Variants in REPS1 observed in about 807,000 individuals in gnomAD.
REPS1 encodes the protein RALBP1 associated Eps domain containing 1.
REPS1 carries 39 observed loss-of-function variants against 100.9 expected under a neutral mutation model. The observed-to-expected ratio is 0.39, with a 90% CI of 0.30 to 0.50. The LOEUF is 0.50. REPS1 is among the 20% of genes least tolerant of loss of function. REPS1 has a pLI of 0.86. For missense variants in REPS1, 821 were observed against 968.5 expected (o/e 0.85, Z 2.02); for synonymous variants, 324 against 340.3 (o/e 0.95, Z 0.53).
chr6:138,957,684 G>A (rs1339940034), intron 1 of REPS1, among the ~76,000 whole-genome samples: 1 of 152,132 alleles, frequency 6.6e-6, no homozygotes, highest in Non-Finnish European at 1.5e-5. Context: ...GTCTCCAGGA[G>A]GAAGCTTTCA....
At chr6:138,956,179 CTCATTA>C (rs2128488181) in intron 1 of REPS1, among the ~76,000 whole-genome samples, 1 of 152,038 alleles carries the variant, frequency 6.6e-6, no homozygotes, top group East Asian at 1.9e-4. Flanking sequence ...CTTCAGGACT[CTCATTA>C]TAATGACAGT....
chr6:138,982,372 A>G lies in REPS1; in HGVS notation c.153+5158T>C, dbSNP rs75472046. ...TCTAAAGATTTTCAGCTTCATTAAC[A>G]GGGTACATTGCTTACAAACCTCAAT... On this transcript the variant is annotated intron_variant, in intron 1 of 19. Transcript: ENST00000450536. 3.6e-3 allele frequency among the ~76,000 whole-genome samples: 548 copies of G among 152,346 alleles called. 3 individuals carry two copies. Among genetic ancestry groups the G allele is most frequent in the African/African-American group, 0.012 (512 of 41,580 alleles).
chr6:138,960,476 C>T (rs1370918679), intron 1 of REPS1, among the ~76,000 whole-genome samples: 1 of 151,036 alleles, frequency 6.6e-6, no homozygotes, highest in African/African-American at 2.4e-5. Flanking sequence ...CAGTTTTATA[C>T]AAATAACTAT....
At chr6:138,941,194 T>C in intron 8 of REPS1, 141 bp downstream of exon 8, 3 of 904,644 alleles carry the variant, frequency 3.3e-6, no homozygotes, top group Non-Finnish European at 5.1e-6. Context: ...ATACATCCTA[T>C]TCTGATGACA....
At chr6:138,913,111 T>C (rs2128431895) in intron 15 of REPS1, among the ~76,000 whole-genome samples, 161 bp from the exon 16 acceptor site, 1 of 151,982 alleles carries the variant, frequency 6.6e-6, no homozygotes, top group East Asian at 1.9e-4. Flanking sequence ...TCTAAAGAAA[T>C]GATTAAACCA....
chr6:138,911,057 T>C (rs924046890), intron 17 of REPS1: 4 of 435,650 alleles, frequency 9.2e-6, no homozygotes, highest in Admixed American at 7.6e-5. Flanking sequence ...AAGAATGCAA[T>C]AACCACTTAA....
At chr6:138,957,619 A>T (rs1024631404) in intron 1 of REPS1, among the ~76,000 whole-genome samples, 1 of 152,238 alleles carries the variant, frequency 6.6e-6, no homozygotes, top group Non-Finnish European at 1.5e-5. Context: ...GCAGGATGTC[A>T]GCTATGCAAC....
Position 138,915,800 on chromosome 6 carries a change from G to A in REPS1, c.1720+58C>T. 3.3e-6 allele frequency: 4 copies of A among 1,202,238 alleles called. 1 individual carries two copies. Among genetic ancestry groups the A allele is most frequent in the South Asian group, 2.5e-5 (2 of 79,630 alleles). The allele number at this position is 1,202,238 out of a possible 1,614,324, so 74.5% of individuals were successfully genotyped here. A position where few individuals can be genotyped will look rare whatever the true frequency, so the allele number is the denominator to read the frequency against. On this transcript the variant is annotated intron_variant, in intron 14 of 19. Coordinates refer to ENST00000450536, the MANE Select transcript of REPS1 (RefSeq NM_001286611.2). Reference sequence around the variant, plus strand: ...AGAAACAAAAATAAAATGTGTATGTGTGTTGGATTAACTTTAAAATTAAAT... The same window carrying A: ...AGAAACAAAAATAAAATGTGTATGTATGTTGGATTAACTTTAAAATTAAAT...
intron 8 of REPS1, among the ~76,000 whole-genome samples, 157 bp downstream of exon 8, chr6:138,941,178 T>A (rs1287732536): frequency 6.6e-6 from 1 of 152,212 alleles, no homozygotes; most frequent in African/African-American, 2.4e-5. Context: ...AATTCAAGCT[T>A]GGCCCATACA....
intron 1 of REPS1, among the ~76,000 whole-genome samples, chr6:138,957,331 G>A (rs1343465309): frequency 1.3e-5 from 2 of 152,194 alleles, no homozygotes; most frequent in Non-Finnish European, 2.9e-5. Flanking sequence ...GAAATATCGA[G>A]TAGACTAGAA....
chr6:138,912,802 T>C lies in REPS1; in HGVS notation c.1934A>G (p.Gln645Arg), dbSNP rs200320051. The change falls in exon 16 of 20, where the codon CAA (glutamine) becomes CGA (arginine). Residue 645 changes from glutamine to arginine, a missense_variant. This residue lies in a region of REPS1 where 757 missense variants were observed against 866.4 expected (regional missense o/e 0.87). Coordinates refer to ENST00000450536, the MANE Select transcript of REPS1 (RefSeq NM_001286611.2). ...VFAASNVNDE[Q>R]DDEAEKHPEV... ...TGGATGTTTCTCGGCTTCATCATCT[T>C]GTTCGTCGTTTACATTTGATGCAGC... The C allele has an allele frequency of 1.8e-4, 296 of 1,614,214 alleles. No individual in the cohort carries two copies. The East Asian group carries it at 4.7e-3, about 26-fold the overall frequency.
intron 13 of REPS1, 170 bp from the exon 14 acceptor site, chr6:138,916,146 C>T: frequency 3.6e-6 from 2 of 557,982 alleles, no homozygotes; most frequent in South Asian, 4.7e-5. Flanking sequence ...TTATGATGTA[C>T]CCTAAACAAC....
intron 1 of REPS1, among the ~76,000 whole-genome samples, chr6:138,975,435 T>C (rs1255519945): frequency 6.6e-6 from 1 of 152,164 alleles, no homozygotes; most frequent in Non-Finnish European, 1.5e-5. Flanking sequence ...GGTATAAAGC[T>C]AGGTTTGAAG....
At chr6:138,906,249 T>C (rs1053308699) in intron 19 of REPS1, among the ~76,000 whole-genome samples, 2 of 152,220 alleles carry the variant, frequency 1.3e-5, no homozygotes, top group Admixed American at 6.5e-5. Context: ...ATTCATTCAG[T>C]AGATGTTTAT....
chr6:138,939,630 G>GT lies in REPS1; in HGVS notation c.1135+1704dup, dbSNP rs551273575. 4.1e-3 allele frequency among the ~76,000 whole-genome samples: 617 copies of GT among 152,272 alleles called. 6 individuals are homozygous for GT. The highest frequency in any genetic ancestry group is 0.014 in the African/African-American group (572 of 41,566). The stretch of plus-strand genomic sequence containing the variant: ...AGTTTCTTGTATTATTGTGCTGTCG[G>GT]TTTTCAAAGGCTTGAAGTCATATAA... On this transcript the variant is annotated intron_variant, in intron 8 of 19. Transcript: ENST00000450536.
intron 15 of REPS1, 37 bp downstream of exon 15, chr6:138,914,660 C>T (rs1307899912): frequency 7.9e-6 from 12 of 1,518,452 alleles, no homozygotes; most frequent in Non-Finnish European, 1.1e-5. Context: ...GCAAAGTGAT[C>T]ATGGGACATT....
intron 1 of REPS1, among the ~76,000 whole-genome samples, chr6:138,959,889 A>G (rs1783627593): frequency 6.6e-6 from 1 of 152,230 alleles, no homozygotes; most frequent in South Asian, 2.1e-4. Flanking sequence ...CCCAGTTCAT[A>G]GGAAAGAAAA....
intron 1 of REPS1, among the ~76,000 whole-genome samples, chr6:138,954,678 C>A (rs1783258961): frequency 6.6e-6 from 1 of 152,000 alleles, no homozygotes; most frequent in Admixed American, 6.6e-5. Flanking sequence ...GGAATATGGA[C>A]AATTATTAAT....
chr6:138,977,172 T>C (rs1017579684), intron 1 of REPS1, among the ~76,000 whole-genome samples: 65 of 152,330 alleles, frequency 4.3e-4, no homozygotes, highest in African/African-American at 1.5e-3. Context: ...TACAATCTAA[T>C]TTTAGAATTT....
Sources: allele counts gnomAD v4.1 joint callset (sites outside exome capture counted in the v4.1 genomes callset), GRCh38; gene constraint gnomAD v4.1.1; regional missense constraint gnomAD v4.1.1; transcripts MANE v1.5; gene names NCBI Gene and HGNC (gene_info 2026-07-23, HGNC 2026-07-21).